The following DNAI7 variants were observed in gnomAD, a reference collection of about 807,000 sequenced individuals.
DNAI7 encodes the protein cancer susceptibility 1.
Under a neutral mutation model 86.6 loss-of-function variants are expected in DNAI7, and 78 were observed. The observed-to-expected ratio is 0.90, with a 90% CI of 0.75 to 1.09. DNAI7 has a LOEUF of 1.09. Among genes scored for constraint, DNAI7 ranks in the 50% least tolerant of loss-of-function variants. DNAI7 has a pLI of 0.00. For synonymous variants in DNAI7, 274 were observed against 273.0 expected (o/e 1.00, Z -0.04); for missense variants, 753 against 810.2 (o/e 0.93, Z 0.86).
intron 1 of DNAI7, among the ~76,000 whole-genome samples, chr12:25,193,474 C>A (rs1053324321): frequency 6.6e-6 from 1 of 152,204 alleles, no homozygotes; most frequent in Non-Finnish European, 1.5e-5. Flanking sequence ...TGATCTTGGA[C>A]TTCTAGTCTC....
chr12:25,126,386 C>T (rs1349150012), intron 9 of DNAI7, among the ~76,000 whole-genome samples: 1 of 152,140 alleles, frequency 6.6e-6, no homozygotes, highest in African/African-American at 2.4e-5. Flanking sequence ...CTGGCAGCCA[C>T]CTGATGAATG....
chr12:25,139,350 A>G (rs902543196), intron 9 of DNAI7, among the ~76,000 whole-genome samples: 3 of 152,230 alleles, frequency 2.0e-5, no homozygotes, highest in African/African-American at 7.2e-5. Context: ...AATCCTTCCT[A>G]AATCGTTCCA....
chr12:25,128,896 T>C (rs1592281077), intron 9 of DNAI7, among the ~76,000 whole-genome samples: 1 of 152,268 alleles, frequency 6.6e-6, no homozygotes, highest in Admixed American at 6.5e-5. Context: ...CATCACATCA[T>C]GTCACACTCC....
chr12:25,179,908 T>C (rs10771182), intron 2 of DNAI7, among the ~76,000 whole-genome samples: 106,644 of 152,060 alleles, frequency 0.7, 38,034 homozygotes, highest in African/African-American at 0.84. Flanking sequence ...ACTCTCATCA[T>C]TCCTATTCAA....
At chr12:25,121,648 T>A in intron 11 of DNAI7, 105 bp downstream of exon 11, 1 of 887,856 alleles carries the variant, frequency 1.1e-6, no homozygotes, top group Non-Finnish European at 1.7e-6. Context: ...TTTTTTCCTT[T>A]GTGTTTAATA....
At position 25,146,985 on chromosome 12, in the gene DNAI7, T is replaced by C. The variant is rs377504584; in HGVS notation, c.689+16A>G. 2 of 1,307,732 alleles carry C rather than the reference T, an allele frequency of 1.5e-6. No homozygotes were observed. Among genetic ancestry groups the C allele is most frequent in the Non-Finnish European group, 2.2e-6 (2 of 902,764 alleles). The allele number at this position is 1,307,732 out of a possible 1,614,324, so 81.0% of individuals were successfully genotyped here. On this transcript the variant is annotated intron_variant, in intron 8 of 15. Coordinates refer to ENST00000395987, the MANE Select transcript of DNAI7 (RefSeq NM_018272.5). Reference sequence around the variant, plus strand: ...TTTCTTTCCACCTACAGGGAAAGTATTGCCCACAAGGGTACCTTGGATTCT... The same window carrying C: ...TTTCTTTCCACCTACAGGGAAAGTACTGCCCACAAGGGTACCTTGGATTCT...
At chr12:25,147,165 A>G in intron 7 of DNAI7, 61 bp from the exon 8 acceptor site, 2 of 834,912 alleles carry the variant, frequency 2.4e-6, no homozygotes, top group Non-Finnish European at 4.0e-6. Context: ...TACAAATTAG[A>G]TAAGTTACTT....
chr12:25,111,790 A>G lies in DNAI7; in HGVS notation c.1761T>C (p.Tyr587=), dbSNP rs773357680. 1.3e-6 allele frequency: 2 copies of G among 1,587,862 alleles called. No homozygotes were observed. Among genetic ancestry groups the G allele is most frequent in the South Asian group, 1.2e-5 (1 of 85,284 alleles). ...TTCTTGCCTTATTGTTTATAATAAC[A>G]TAAAAATGAGAGTGTCTAGTAGGAA... ...NIFPTRHSHF[Y]VIINNKVPLV... is the part of the protein sequence containing the mutation. Residue 587 remains tyrosine (Y), a synonymous_variant, in exon 14 of 16, where the codon TAT becomes TAC. Coordinates refer to ENST00000395987, the MANE Select transcript of DNAI7 (RefSeq NM_018272.5).
intron 2 of DNAI7, among the ~76,000 whole-genome samples, chr12:25,188,183 A>G (rs1950205544): frequency 6.6e-6 from 1 of 152,240 alleles, no homozygotes; most frequent in East Asian, 1.9e-4. Flanking sequence ...CAATTTCAGT[A>G]ATGTTAAAAT....
At chr12:25,191,320 C>A (rs1950496063) in intron 1 of DNAI7, among the ~76,000 whole-genome samples, 1 of 152,058 alleles carries the variant, frequency 6.6e-6, no homozygotes, top group Admixed American at 6.6e-5. Context: ...GTGGGAAGAT[C>A]ACTTGAGCCC....
chr12:25,193,853 G>A (rs577034709), intron 1 of DNAI7, among the ~76,000 whole-genome samples: 24 of 148,432 alleles, frequency 1.6e-4, no homozygotes, highest in Admixed American at 1.5e-3. Flanking sequence ...ACGGAGTCTC[G>A]CTCTGTCACC....
At chr12:25,160,256 C>G (rs534474596) in intron 3 of DNAI7, among the ~76,000 whole-genome samples, 2 of 152,168 alleles carry the variant, frequency 1.3e-5, no homozygotes, top group Non-Finnish European at 1.5e-5. Context: ...ATGGGATGCT[C>G]AGTTGAATTT....
intron 7 of DNAI7, among the ~76,000 whole-genome samples, chr12:25,148,052 T>C (rs754557393): frequency 9.2e-5 from 14 of 152,172 alleles, no homozygotes; most frequent in Non-Finnish European, 1.9e-4. Flanking sequence ...ATGTAAAAAC[T>C]TTAAAATGTT....
downstream of DNAI7, chr12:25,107,144 G>T: frequency 1.9e-6 from 1 of 538,488 alleles, no homozygotes; most frequent in Non-Finnish European, 3.2e-6. Flanking sequence ...ATTACTAAAA[G>T]ACATGCCAAA....
At chr12:25,151,861 C>T (rs1369999514) in intron 6 of DNAI7, among the ~76,000 whole-genome samples, 1 of 152,150 alleles carries the variant, frequency 6.6e-6, no homozygotes, top group African/African-American at 2.4e-5. Flanking sequence ...TTAAATCTCG[C>T]AATGCATGGT....
At chr12:25,180,542 C>T (rs931233790) in intron 2 of DNAI7, among the ~76,000 whole-genome samples, 3 of 152,164 alleles carry the variant, frequency 2.0e-5, no homozygotes, top group African/African-American at 7.2e-5. Context: ...CAAAACTATA[C>T]TACAGGCTGT....
At chr12:25,123,755 T>C (rs1941672438) in intron 9 of DNAI7, among the ~76,000 whole-genome samples, 1 of 152,128 alleles carries the variant, frequency 6.6e-6, no homozygotes, top group Non-Finnish European at 1.5e-5. Flanking sequence ...GCAGTAAAAA[T>C]AATCTAGACT....
rs148144728 is a variant in DNAI7 at position 25,114,785 on chromosome 12, G to T, written c.1482C>A (p.Gly494=). 10 of 1,613,952 alleles carry T rather than the reference G, an allele frequency of 6.2e-6. No homozygotes were observed. The African/African-American group carries it at 1.3e-4, about 22-fold the overall frequency. The change falls in exon 13 of 16, where the codon GGC becomes GGA. Residue 494 remains glycine (G), a synonymous_variant. Transcript: ENST00000395987. ...RLVTFSLDTF[G]PVTLIQDAHI... The stretch of plus-strand genomic sequence containing the variant: ...GAGCATCTTGAATCAAGGTAACAGG[G>T]CCAAAGGTGTCCAGGCTGAATGTTA...
intron 2 of DNAI7, among the ~76,000 whole-genome samples, chr12:25,171,222 A>G (rs1396006857): frequency 6.6e-6 from 1 of 152,202 alleles, no homozygotes; most frequent in Non-Finnish European, 1.5e-5. Flanking sequence ...TTGATAGATC[A>G]TTAATAAGAT....
Sources: allele counts gnomAD v4.1 joint callset (sites outside exome capture counted in the v4.1 genomes callset), GRCh38; gene constraint gnomAD v4.1.1; transcripts MANE v1.5; gene names NCBI Gene and HGNC (gene_info 2026-07-23, HGNC 2026-07-21).